CACNA1E: variants seen among roughly 807,000 people sequenced by gnomAD.
CACNA1E encodes calcium voltage-gated channel subunit alpha1 E, also known as voltage-dependent R-type calcium channel subunit alpha-1E.
A neutral mutation model predicts 259.2 loss-of-function variants in CACNA1E; 40 were observed. The ratio of observed to expected loss-of-function variants is 0.15; its 90% CI spans 0.12 to 0.20. The LOEUF is 0.20. Ranked by LOEUF, CACNA1E falls within the 10% of genes least tolerant of loss-of-function variation. The pLI, the probability that CACNA1E is intolerant of heterozygous loss-of-function variation, is 1.00. For missense variants in CACNA1E, 1,874 were observed against 3,040.1 expected (o/e 0.62, Z 9.02); for synonymous variants, 1,104 against 1,138.5 (o/e 0.97, Z 0.61).
At chr1:181,654,807 AC>A (rs1659056758) in intron 7 of CACNA1E, among the ~76,000 whole-genome samples, 1 of 152,120 alleles carries the variant, frequency 6.6e-6, no homozygotes, top group Non-Finnish European at 1.5e-5. Flanking sequence ...ACACAGTGAA[AC>A]CCTGTCTCTA....
intron 7 of CACNA1E, among the ~76,000 whole-genome samples, chr1:181,680,286 T>G (rs1305526726): frequency 6.6e-6 from 1 of 152,070 alleles, no homozygotes; most frequent in Non-Finnish European, 1.5e-5. Flanking sequence ...GGGCTGTTAG[T>G]GTGGTTCCTA....
chr1:181,712,760 T>G (rs1275968270), intron 8 of CACNA1E, among the ~76,000 whole-genome samples: 13 of 151,932 alleles, frequency 8.6e-5, no homozygotes, highest in Admixed American at 8.5e-4. Context: ...GAAGGCAGCT[T>G]GATGGTCCCA....
chr1:181,328,027 C>G (rs890234976), intron 1 of CACNA1E, among the ~76,000 whole-genome samples: 1 of 152,288 alleles, frequency 6.6e-6, no homozygotes, highest in African/African-American at 2.4e-5. Context: ...GAGGCCAGCC[C>G]AGGTGTCTTC....
At chr1:181,379,822 A>C (rs924481978) in intron 1 of CACNA1E, among the ~76,000 whole-genome samples, 3 of 152,096 alleles carry the variant, frequency 2.0e-5, no homozygotes, top group African/African-American at 4.8e-5. Context: ...GATAAAGAGA[A>C]AATCTTAAAA....
chr1:181,347,454 G>A (rs1652682163), intron 1 of CACNA1E, among the ~76,000 whole-genome samples: 2 of 152,162 alleles, frequency 1.3e-5, no homozygotes, highest in South Asian at 4.1e-4. Flanking sequence ...TGTGCAGCTT[G>A]TTTCTGCACA....
chr1:181,618,677 T>C (rs1655449151), intron 6 of CACNA1E, among the ~76,000 whole-genome samples: 1 of 152,254 alleles, frequency 6.6e-6, no homozygotes, highest in African/African-American at 2.4e-5. Flanking sequence ...TGTTTCATTA[T>C]TTGAAGAAGA....
At chr1:181,782,020 G>A (rs1316738119) in intron 39 of CACNA1E, among the ~76,000 whole-genome samples, 1 of 152,140 alleles carries the variant, frequency 6.6e-6, no homozygotes, top group Non-Finnish European at 1.5e-5. Context: ...TTAGGAGAGA[G>A]GAAAACTCAT....
intron 1 of CACNA1E, among the ~76,000 whole-genome samples, chr1:181,348,659 C>T (rs763959929): frequency 6.6e-6 from 1 of 152,188 alleles, no homozygotes; most frequent in South Asian, 2.1e-4. Context: ...ACTGCACACT[C>T]TCTTCTAGGA....
intron 7 of CACNA1E, among the ~76,000 whole-genome samples, chr1:181,680,767 G>A (rs753546979): frequency 2.6e-4 from 39 of 152,094 alleles, no homozygotes; most frequent in Non-Finnish European, 3.5e-4. Flanking sequence ...GCTTGAAAAC[G>A]TTGGCCAGTT....
chr1:181,596,762 G>A (rs936969834), intron 6 of CACNA1E, among the ~76,000 whole-genome samples: 1 of 152,116 alleles, frequency 6.6e-6, no homozygotes, highest in African/African-American at 2.4e-5. Flanking sequence ...TTCATAACAC[G>A]AAGCAAGATA....
chr1:181,557,470 C>G (rs986741938), intron 3 of CACNA1E, among the ~76,000 whole-genome samples: 16 of 152,194 alleles, frequency 1.1e-4, no homozygotes, highest in Non-Finnish European at 1.5e-4. Flanking sequence ...TTGAACAGTC[C>G]TCTTGCTGAC....
At chr1:181,745,096 G>GA (rs1481231672) in intron 25 of CACNA1E, among the ~76,000 whole-genome samples, 2 of 152,176 alleles carry the variant, frequency 1.3e-5, no homozygotes, top group Non-Finnish European at 2.9e-5. Context: ...TGGAGTTTGG[G>GA]AGGGAGTAAG....
chr1:181,477,946 C>A (rs1357504077), intron 2 of CACNA1E, among the ~76,000 whole-genome samples: 1 of 152,196 alleles, frequency 6.6e-6, no homozygotes, highest in Non-Finnish European at 1.5e-5. Flanking sequence ...CAAGGTCATG[C>A]CTTACCTCTC....
At chr1:181,498,756 C>T (rs946128975) in intron 1 of CACNA1E, among the ~76,000 whole-genome samples, 4 of 152,094 alleles carry the variant, frequency 2.6e-5, no homozygotes, top group South Asian at 2.1e-4. Flanking sequence ...AACCCAGGGC[C>T]GCGACCAAGT....
intron 7 of CACNA1E, among the ~76,000 whole-genome samples, chr1:181,654,134 C>T (rs552437288): frequency 6.8e-6 from 1 of 147,580 alleles, no homozygotes; most frequent in South Asian, 2.2e-4. Flanking sequence ...ATTTCATTTA[C>T]AGAATAACAG....
chr1:181,363,127 C>T (rs1351041432), intron 1 of CACNA1E, among the ~76,000 whole-genome samples: 1 of 152,138 alleles, frequency 6.6e-6, no homozygotes, highest in Non-Finnish European at 1.5e-5. Context: ...GTCTTGAGGG[C>T]AGATTTTTGT....
chr1:181,642,537 G>A (rs1374793104), intron 6 of CACNA1E, among the ~76,000 whole-genome samples: 4 of 152,130 alleles, frequency 2.6e-5, no homozygotes, highest in Admixed American at 6.5e-5. Context: ...ACTCTTTTGC[G>A]TTTCTGATAC....
intron 7 of CACNA1E, among the ~76,000 whole-genome samples, chr1:181,667,685 A>G (rs1648371954): frequency 6.6e-6 from 1 of 152,146 alleles, no homozygotes; most frequent in Admixed American, 6.5e-5. Context: ...AGATTTTCAA[A>G]AAGACATACC....
intron 34 of CACNA1E, among the ~76,000 whole-genome samples, chr1:181,764,410 T>C (rs1658852419): frequency 6.6e-6 from 1 of 152,220 alleles, no homozygotes; most frequent in Admixed American, 6.5e-5. Flanking sequence ...AAATTGACTT[T>C]CTTATTTTAA....
Sources: gnomAD v4.1 joint callset for allele counts (sites outside exome capture counted in the v4.1 genomes callset) on GRCh38, gnomAD v4.1.1 for gene constraint, MANE v1.5 for transcripts, NCBI Gene and HGNC (gene_info 2026-07-23, HGNC 2026-07-21) for gene names.